The following CD247 variants were observed in gnomAD, a reference collection of about 807,000 sequenced individuals.
CD247 encodes CD247 molecule, also known as T-cell surface glycoprotein CD3 zeta chain.
A neutral mutation model predicts 30.0 loss-of-function variants in CD247; 13 were observed. That is an observed-to-expected ratio of 0.43 (90% CI 0.28 to 0.69). The LOEUF (loss-of-function observed/expected upper bound fraction) is 0.69, where lower values mean the gene tolerates loss of function less well. Ranked by LOEUF, CD247 falls within the 30% of genes least tolerant of loss-of-function variation. The pLI is 0.16. For missense variants in CD247, 193 were observed against 212.6 expected, an observed-to-expected ratio of 0.91 and a Z score of 0.57; for synonymous variants, 72 against 80.0, an observed-to-expected ratio of 0.90 and a Z score of 0.53.
intron 1 of CD247, among the ~76,000 whole-genome samples, chr1:167,497,533 A>G (rs1176443932): frequency 6.6e-6 from 1 of 152,190 alleles, no homozygotes; most frequent in East Asian, 1.9e-4. Context: ...TTAGTGGCAA[A>G]TTACTACTTT....
chr1:167,480,000 G>T (rs1308252850), intron 1 of CD247, among the ~76,000 whole-genome samples: 1 of 152,166 alleles, frequency 6.6e-6, no homozygotes, highest in Non-Finnish European at 1.5e-5. Context: ...GCTGAGAGCG[G>T]ACTCAGAATC....
chr1:167,495,205 A>G (rs35307794), intron 1 of CD247, among the ~76,000 whole-genome samples: 12,200 of 152,230 alleles, frequency 0.08, 585 homozygotes, highest in East Asian at 0.21. Context: ...CCTAGTATCT[A>G]TGTGGTCTAC....
At chr1:167,471,528 A>G (rs961041711) in intron 1 of CD247, among the ~76,000 whole-genome samples, 1 of 152,036 alleles carries the variant, frequency 6.6e-6, no homozygotes, top group Non-Finnish European at 1.5e-5. Flanking sequence ...AATGTTGAAC[A>G]TTTTTTTCAT....
At chr1:167,511,539 GA>G (rs1485541156) in intron 1 of CD247, among the ~76,000 whole-genome samples, 1 of 152,162 alleles carries the variant, frequency 6.6e-6, no homozygotes, top group Non-Finnish European at 1.5e-5. Context: ...ATACGTTCTA[GA>G]AAAACATATA....
rs1017990936 is a variant in CD247, at chr1:167,491,575, A to T, written c.58+26833T>A. 1.3e-3 allele frequency among the ~76,000 whole-genome samples: 192 copies of T among 152,042 alleles called. 1 individual carries two copies. The highest frequency in any genetic ancestry group is 4.6e-3 in the African/African-American group (189 of 41,488). The stretch of plus-strand genomic sequence containing the variant: ...AGAGCGAAACTCCATCTCAAAAAAA[A>T]AAAAAATAGAACTATCATATGGTCT... On this transcript the variant is annotated intron_variant, in intron 1 of 7. Transcript: ENST00000362089.
At chr1:167,442,246 A>T (rs9287082) in intron 1 of CD247, among the ~76,000 whole-genome samples, 17,848 of 152,182 alleles carry the variant, frequency 0.12, 1,967 homozygotes, top group African/African-American at 0.29. Flanking sequence ...AGGGTGTGGT[A>T]CCCATCTCAC....
intron 1 of CD247, among the ~76,000 whole-genome samples, chr1:167,480,392 T>C (rs747100484): frequency 6.6e-6 from 1 of 152,160 alleles, no homozygotes; most frequent in Non-Finnish European, 1.5e-5. Context: ...TGAGGCAGCA[T>C]GCACGCTACT....
chr1:167,438,512 C>T lies in CD247; in HGVS notation c.300+58G>A, dbSNP rs1651655378. 14 of 1,382,128 alleles carry T rather than the reference C, an allele frequency of 1.0e-5. No homozygotes were observed. The South Asian group carries it at 1.6e-4, about 16-fold the overall frequency. The allele number at this position is 1,382,128 out of a possible 1,614,324, so 85.6% of individuals were successfully genotyped here. On this transcript the variant is annotated intron_variant, in intron 4 of 7. Coordinates refer to ENST00000362089, the MANE Select transcript of CD247 (RefSeq NM_198053.3). The stretch of plus-strand genomic sequence containing the variant: ...TGAGCTGAGGAGCCCTCCCCCACAG[C>T]CTGGGCTGAGCCCCACCACACATGC...
rs1043550665 is a variant in CD247, at chr1:167,496,957, G to A, written c.58+21451C>T. 2.6e-5 allele frequency among the ~76,000 whole-genome samples: 4 copies of A among 152,256 alleles called. No individual in the cohort carries two copies. In the South Asian group the frequency reaches 6.2e-4, roughly 24 times the overall value. On this transcript the variant is annotated intron_variant, in intron 1 of 7. Coordinates refer to ENST00000362089, the MANE Select transcript of CD247 (RefSeq NM_198053.3). ...AGAGCGGGGACACTGACAGTGAGGG[G>A]AGACCTAGCAACCCTACTGCCAGGA...
intron 1 of CD247, among the ~76,000 whole-genome samples, chr1:167,504,049 C>T (rs1457494834): frequency 6.6e-6 from 1 of 152,160 alleles, no homozygotes; most frequent in Non-Finnish European, 1.5e-5. Flanking sequence ...GAGGGAGACC[C>T]TTACCTCTGG....
chr1:167,467,633 C>T lies in CD247; in HGVS notation c.59-26866G>A, dbSNP rs548904774. ...TTAAGAGCAGCCTCTCCTTGGGCTG[C>T]TGGCTTTCAGTCATCATTTTGGACA... On this transcript the variant is annotated intron_variant, in intron 1 of 7. Coordinates refer to ENST00000362089, the MANE Select transcript of CD247 (RefSeq NM_198053.3). 2.6e-5 allele frequency among the ~76,000 whole-genome samples: 4 copies of T among 152,270 alleles called. No homozygotes were observed. The East Asian group carries it at 7.7e-4, about 29-fold the overall frequency.
chr1:167,467,348 T>C (rs115473054), intron 1 of CD247, among the ~76,000 whole-genome samples: 1,697 of 152,350 alleles, frequency 0.011, 32 homozygotes, highest in African/African-American at 0.039. Flanking sequence ...CATGAAACCA[T>C]GCCTTGCTTT....
rs138650887 is a variant in CD247 at position 167,436,170 on chromosome 1, T to C, written c.301-736A>G. On this transcript the variant is annotated intron_variant, in intron 4 of 7. Coordinates refer to ENST00000362089, the MANE Select transcript of CD247 (RefSeq NM_198053.3). The stretch of plus-strand genomic sequence containing the variant: ...TGCAAGGATGGTTCAACAAACGAAA[T>C]CAATAAACATGATACACCACATTAA... 6.6e-5 allele frequency among the ~76,000 whole-genome samples: 10 copies of C among 152,140 alleles called. No homozygotes were observed. In the East Asian group the frequency reaches 1.9e-3, roughly 29 times the overall value.
At chr1:167,443,789 T>C (rs1182474208) in intron 1 of CD247, among the ~76,000 whole-genome samples, 2 of 152,086 alleles carry the variant, frequency 1.3e-5, no homozygotes, top group Non-Finnish European at 2.9e-5. Context: ...AAGTGTGCTG[T>C]GTGTGGTTGG....
chr1:167,518,417 G>T lies in CD247; in HGVS notation c.49C>A (p.Pro17Thr). ...FTAAILQAQL[P>T]ITEAQSFGLL... ...GACACGTCGGCCCTACCTGTAATCG[G>T]CAACTGTGCCTGCAGGATGGCCGCG... The change falls in exon 1 of 8, where the codon CCG becomes ACG. Residue 17 changes from proline to threonine, a missense_variant. Transcript: ENST00000362089. 1.2e-6 allele frequency: 2 copies of T among 1,614,194 alleles called. No homozygotes were observed. Among genetic ancestry groups the T allele is most frequent in the Non-Finnish European group, 1.7e-6 (2 of 1,180,014 alleles).
intron 1 of CD247, among the ~76,000 whole-genome samples, chr1:167,476,215 C>A (rs1479278635): frequency 2.6e-5 from 4 of 152,098 alleles, no homozygotes; most frequent in Non-Finnish European, 1.5e-5. Flanking sequence ...GCTGCTGACA[C>A]CTTCTCAGAT....
chr1:167,457,979 C>A (rs1026548692), intron 1 of CD247, among the ~76,000 whole-genome samples: 1 of 152,114 alleles, frequency 6.6e-6, no homozygotes, highest in Non-Finnish European at 1.5e-5. Flanking sequence ...GAAGGAATTT[C>A]GCCCCTCACA....
chr1:167,479,472 C>A (rs902266416), intron 1 of CD247, among the ~76,000 whole-genome samples: 1 of 152,130 alleles, frequency 6.6e-6, no homozygotes, highest in African/African-American at 2.4e-5. Flanking sequence ...ACAATGGTGG[C>A]GATTACATGA....
intron 7 of CD247, 54 bp downstream of exon 7, chr1:167,432,970 T>G: frequency 6.3e-7 from 1 of 1,597,316 alleles, no homozygotes; most frequent in East Asian, 2.2e-5. Context: ...GGCCTTGATC[T>G]TGCCCCTTGT....
Sources: allele counts gnomAD v4.1 joint callset (sites outside exome capture counted in the v4.1 genomes callset), GRCh38; gene constraint gnomAD v4.1.1; transcripts MANE v1.5; gene names NCBI Gene and HGNC (gene_info 2026-07-23, HGNC 2026-07-21).